Variants in REM1 observed in about 807,000 individuals in gnomAD.
The protein encoded by REM1 is GTP-binding protein REM 1.
A neutral mutation model predicts 27.0 loss-of-function variants in REM1; 20 were observed. The ratio of observed to expected loss-of-function variants is 0.74; its 90% CI spans 0.52 to 1.08. REM1 has a LOEUF of 1.08. REM1 is among the 50% of genes least tolerant of loss of function. The pLI, the probability that REM1 is intolerant of heterozygous loss-of-function variation, is 0.00. For synonymous variants in REM1, 159 were observed against 167.9 expected, an observed-to-expected ratio of 0.95 and a Z score of 0.41; for missense variants, 405 against 407.0, an observed-to-expected ratio of 1.00 and a Z score of 0.04.
At chr20:31,476,074 G>T (rs1980484010) in intron 1 of REM1, among the ~76,000 whole-genome samples, 153 bp from the exon 2 acceptor site, 2 of 152,208 alleles carry the variant, frequency 1.3e-5, no homozygotes, top group Admixed American at 1.3e-4. Flanking sequence ...GGAATGGGGA[G>T]TGTGCATGTG....
At chr20:31,480,024 G>A (rs2122475235) in intron 3 of REM1, among the ~76,000 whole-genome samples, 1 of 152,236 alleles carries the variant, frequency 6.6e-6, no homozygotes, top group South Asian at 2.1e-4. Flanking sequence ...GGGAGGCAGA[G>A]GTTGCGGTAA....
At chr20:31,477,481 G>A (rs1228511099) in intron 2 of REM1, among the ~76,000 whole-genome samples, 4 of 152,142 alleles carry the variant, frequency 2.6e-5, no homozygotes. Context: ...ACACATATGT[G>A]TTACAGATAG....
At chr20:31,477,978 C>G in intron 3 of REM1, 68 bp downstream of exon 3, 1 of 965,340 alleles carries the variant, frequency 1.0e-6, no homozygotes, top group Non-Finnish European at 1.6e-6. Flanking sequence ...TTCCTGTCCC[C>G]TCCTGGGGAC....
intron 4 of REM1, among the ~76,000 whole-genome samples, chr20:31,482,949 C>A (rs1980784675): frequency 6.6e-6 from 1 of 152,120 alleles, no homozygotes; most frequent in African/African-American, 2.4e-5. Flanking sequence ...GCTTTGGCAA[C>A]ACAGCAAGAC....
chr20:31,478,833 T>C (rs1044979695), intron 3 of REM1, among the ~76,000 whole-genome samples: 13 of 151,280 alleles, frequency 8.6e-5, no homozygotes, highest in Non-Finnish European at 1.5e-4. Context: ...TAGATCTTAT[T>C]CTTTTTTTTT....
intron 4 of REM1, 88 bp from the exon 5 acceptor site, chr20:31,484,071 C>G: frequency 7.2e-7 from 1 of 1,394,042 alleles, no homozygotes; most frequent in Non-Finnish European, 9.4e-7. Flanking sequence ...AAAATTGCTT[C>G]CAATCGAGAC....
rs1341571492 is a variant in REM1 at position 31,482,439 on chromosome 20, C to T, written c.576C>T (p.Leu192=). 3.7e-6 allele frequency: 6 copies of T among 1,614,058 alleles called. No homozygotes were observed. Among genetic ancestry groups the T allele is most frequent in the African/African-American group, 2.7e-5 (2 of 74,936 alleles). The part of the protein sequence containing the change: ...THQADHVPII[L]VGNKADLARC... ...AGGCAGACCATGTGCCCATCATCCTCGTGGGCAACAAGGCAGACTTGGCCC... is the reference window on the plus strand; with the variant it reads ...AGGCAGACCATGTGCCCATCATCCTTGTGGGCAACAAGGCAGACTTGGCCC... The change falls in exon 4 of 5, where the codon CTC becomes CTT. Residue 192 remains leucine, a synonymous_variant. Transcript: ENST00000201979.
At chr20:31,479,979 C>T (rs772824709) in intron 3 of REM1, among the ~76,000 whole-genome samples, 1 of 152,048 alleles carries the variant, frequency 6.6e-6, no homozygotes, top group Non-Finnish European at 1.5e-5. Context: ...ATCCCAGCTA[C>T]TCAGGAGGCT....
chr20:31,475,620 C>G lies in REM1; in HGVS notation c.-220+254C>G, dbSNP rs943006449. On this transcript the variant is annotated intron_variant, in intron 1 of 4. Transcript: ENST00000201979. This position sits in a 1 kb window ranked among gnomAD's most constrained non-coding sequence, Gnocchi z 5.0. ...GACCCAGACTCCAGGAATGGCACAGCGTTCCCGGGCCCTGTGGTCTGCCCT... is the reference window on the plus strand; with the variant it reads ...GACCCAGACTCCAGGAATGGCACAGGGTTCCCGGGCCCTGTGGTCTGCCCT... 6.6e-6 allele frequency among the ~76,000 whole-genome samples: 1 copy of G among 152,214 alleles called. No individual in the cohort carries two copies. The highest frequency in any genetic ancestry group is 1.5e-5 in the Non-Finnish European group (1 of 68,030).
intron 3 of REM1, 62 bp from the exon 4 acceptor site, chr20:31,482,225 C>T: frequency 1.3e-6 from 2 of 1,538,154 alleles, no homozygotes; most frequent in Non-Finnish European, 1.8e-6. Context: ...ATCCCAGCTC[C>T]ACCTTCCTCA....
chr20:31,478,560 GTTTTC>G (rs1980607348), intron 3 of REM1, among the ~76,000 whole-genome samples: 1 of 152,142 alleles, frequency 6.6e-6, no homozygotes, highest in African/African-American at 2.4e-5. Context: ...TCTGGTTTGT[GTTTTC>G]TTTTCTTTTG....
In REM1 at chr20:31,484,632, G is replaced by T; in HGVS notation, c.*202G>T. ...TGGACAGACAGACGATGGGGCCGAA[G>T]CCCCAAGCTGGGCACAAAGTAGTTT... On this transcript the variant is annotated 3_prime_UTR_variant, in exon 5 of 5. Transcript: ENST00000201979. 1.5e-6 allele frequency: 1 copy of T among 647,076 alleles called. No individual in the cohort carries two copies. The highest frequency in any genetic ancestry group is 2.9e-5 in the South Asian group (1 of 34,438). 40.1% of individuals were successfully genotyped at this position (647,076 alleles called of 1,614,324 possible).
intron 2 of REM1, among the ~76,000 whole-genome samples, chr20:31,477,221 A>G (rs1980545005): frequency 6.6e-6 from 1 of 152,074 alleles, no homozygotes; most frequent in African/African-American, 2.4e-5. Flanking sequence ...CCTTTGCAGA[A>G]GGGAGACTCC....
Position 31,484,172 on chromosome 20 carries a change from C to A in REM1, c.639C>A (p.Cys213Ter). 6.3e-7 allele frequency: 1 copy of A among 1,597,862 alleles called. No homozygotes were observed. Among genetic ancestry groups the A allele is most frequent in the Non-Finnish European group, 8.5e-7 (1 of 1,171,326 alleles). ...REVSVEEGRA[C>*]AVVFDCKFIE... ...CCGCCCCCTTAGAGGGCCGCGCCTG[C>A]GCTGTGGTGTTCGACTGTAAATTCA... The change falls in exon 5 of 5, where the codon TGC becomes TGA. Residue 213 changes from cysteine to a stop codon, truncating the protein, a stop_gained. Transcript: ENST00000201979. LOFTEE classifies it high-confidence loss of function.
Position 31,484,570 on chromosome 20 carries a change from C to G in REM1, c.*140C>G. 1 of 1,060,262 alleles carries G rather than the reference C, an allele frequency of 9.4e-7. No individual in the cohort carries two copies. The highest frequency in any genetic ancestry group is 1.3e-6 in the Non-Finnish European group (1 of 782,338). The allele number at this position is 1,060,262 out of a possible 1,614,324, so 65.7% of individuals were successfully genotyped here. The stretch of plus-strand genomic sequence containing the variant: ...CCTGCTGCCCTGATGGCCTGAGCAT[C>G]CCCCAGATCCAAGCCTGGGGGATCC... On this transcript the variant is annotated 3_prime_UTR_variant, in exon 5 of 5. Coordinates refer to ENST00000201979, the MANE Select transcript of REM1 (RefSeq NM_014012.6).
chr20:31,480,021 A>G (rs57840323), intron 3 of REM1, among the ~76,000 whole-genome samples: 3 of 152,120 alleles, frequency 2.0e-5, no homozygotes, highest in South Asian at 2.1e-4. Context: ...CCTGGGAGGC[A>G]GAGGTTGCGG....
chr20:31,478,820 T>C (rs539810388), intron 3 of REM1, among the ~76,000 whole-genome samples: 155 of 152,058 alleles, frequency 1.0e-3, no homozygotes, highest in Non-Finnish European at 1.4e-3. Flanking sequence ...TACAAAATCT[T>C]TGTAGATCTT....
intron 3 of REM1, among the ~76,000 whole-genome samples, 192 bp from the exon 4 acceptor site, chr20:31,482,095 G>A (rs1179023439): frequency 6.6e-6 from 1 of 152,196 alleles, no homozygotes; most frequent in African/African-American, 2.4e-5. Context: ...TTTAAGCAGA[G>A]AAACTGAGGC....
chr20:31,476,119 CCTGT>C (rs1008341639), intron 1 of REM1, 104 bp from the exon 2 acceptor site: 3 of 311,648 alleles, frequency 9.6e-6, no homozygotes, highest in East Asian at 5.5e-5. Flanking sequence ...CCTCCACCTG[CCTGT>C]CTGTCATCAG....
Sources: allele counts gnomAD v4.1 joint callset (sites outside exome capture counted in the v4.1 genomes callset), GRCh38; gene constraint gnomAD v4.1.1; non-coding constraint Gnocchi (gnomAD v3.1); transcripts MANE v1.5; gene names NCBI Gene and HGNC (gene_info 2026-07-23, HGNC 2026-07-21).